SUMF1: variants seen among roughly 807,000 people sequenced by gnomAD.
The protein encoded by SUMF1 is sulfatase modifying factor 1, also known as formylglycine-generating enzyme.
A neutral mutation model predicts 47.6 loss-of-function variants in SUMF1; 48 were observed. That is an observed-to-expected ratio of 1.01 (90% CI 0.80 to 1.28). SUMF1 has a LOEUF of 1.28. Ranked by LOEUF, SUMF1 falls within the 50% of genes most tolerant of loss-of-function variation. The pLI is 0.00. For synonymous variants in SUMF1, 230 were observed against 192.1 expected, an observed-to-expected ratio of 1.20 and a Z score of -1.63; for missense variants, 571 against 485.4, an observed-to-expected ratio of 1.18 and a Z score of -1.66.
At chr3:4,415,706 G>C (rs559152764) in intron 6 of SUMF1, among the ~76,000 whole-genome samples, 13 of 152,188 alleles carry the variant, frequency 8.5e-5, no homozygotes, top group African/African-American at 3.1e-4. Context: ...CCAGCTACTC[G>C]GGAGGTTGAA....
chr3:4,408,302 T>C (rs771645343), intron 7 of SUMF1, among the ~76,000 whole-genome samples: 6 of 152,196 alleles, frequency 3.9e-5, no homozygotes, highest in African/African-American at 2.4e-5. Context: ...ATATCAAGCA[T>C]TGATGAGAAG....
intron 8 of SUMF1, 137 bp from the exon 9 acceptor site, chr3:4,362,391 T>C (rs1699796499): frequency 4.1e-6 from 3 of 736,378 alleles, no homozygotes; most frequent in African/African-American, 1.7e-5. Context: ...ACATGTATGC[T>C]TTAAAAAGGG....
At chr3:4,258,494 C>A (rs1234687557) in intron 8 of SUMF1, among the ~76,000 whole-genome samples, 1 of 147,120 alleles carries the variant, frequency 6.8e-6, no homozygotes, top group African/African-American at 2.5e-5. Context: ...TTTATGCAGC[C>A]AAAAAACACA....
chr3:4,313,049 G>A, intron 8 of SUMF1: 1 of 1,613,982 alleles, frequency 6.2e-7, no homozygotes, highest in Non-Finnish European at 8.5e-7. Context: ...TCATGCCTTA[G>A]AGATATAGGA....
intron 8 of SUMF1, among the ~76,000 whole-genome samples, chr3:4,214,726 C>A (rs564545332): frequency 9.2e-5 from 14 of 152,166 alleles, no homozygotes; most frequent in African/African-American, 2.6e-4. Flanking sequence ...TACCACTGAT[C>A]CCACAGAAAT....
intron 8 of SUMF1, among the ~76,000 whole-genome samples, chr3:4,157,086 A>G (rs990549656): frequency 1.5e-4 from 22 of 151,578 alleles, no homozygotes; most frequent in South Asian, 8.3e-4. Context: ...CCTCCTGGCT[A>G]TGAAGTTAAT....
At chr3:4,170,643 G>C (rs969333124) in intron 8 of SUMF1, among the ~76,000 whole-genome samples, 1 of 152,136 alleles carries the variant, frequency 6.6e-6, no homozygotes, top group Non-Finnish European at 1.5e-5. Context: ...ACAATAGATC[G>C]ATGAAACAGA....
chr3:4,322,669 A>G (rs892449047), intron 8 of SUMF1, among the ~76,000 whole-genome samples: 7 of 152,042 alleles, frequency 4.6e-5, no homozygotes, highest in African/African-American at 9.7e-5. Flanking sequence ...TAAAAAAAAA[A>G]AAAGAAAGAA....
chr3:4,166,101 G>A (rs1214567199), intron 8 of SUMF1, among the ~76,000 whole-genome samples: 5 of 152,038 alleles, frequency 3.3e-5, no homozygotes, highest in East Asian at 1.9e-4. Flanking sequence ...ACACATTCTC[G>A]AAGACCTGCA....
At chr3:4,303,513 C>A in intron 8 of SUMF1, 1 of 1,435,666 alleles carries the variant, frequency 7.0e-7, no homozygotes, top group Non-Finnish European at 9.1e-7. Context: ...GGGGCCGCGC[C>A]GGCGCCCTTC....
At chr3:4,300,599 G>T (rs79744195) in intron 8 of SUMF1, among the ~76,000 whole-genome samples, 3,008 of 152,192 alleles carry the variant, frequency 0.02, 112 homozygotes, top group African/African-American at 0.066. Context: ...TATGAAAAAA[G>T]GATGATGAAC....
chr3:4,352,727 C>A (rs1461019285), intron 8 of SUMF1, among the ~76,000 whole-genome samples: 1 of 107,076 alleles, frequency 9.3e-6, no homozygotes. Context: ...ATTATTGCTG[C>A]GTGTAAAAAA....
chr3:4,347,165 C>G (rs1699391317), intron 8 of SUMF1, among the ~76,000 whole-genome samples: 1 of 152,204 alleles, frequency 6.6e-6, no homozygotes, highest in Non-Finnish European at 1.5e-5. Context: ...AGAAGGAACT[C>G]TTCCCTAACT....
At chr3:4,216,130 A>T (rs957754735) in intron 8 of SUMF1, among the ~76,000 whole-genome samples, 5 of 152,318 alleles carry the variant, frequency 3.3e-5, no homozygotes, top group African/African-American at 1.2e-4. Context: ...ATGTTGCCTG[A>T]CTTCAAACTA....
chr3:4,237,962 A>G lies in SUMF1; in HGVS notation c.1014+138368T>C, dbSNP rs182815066. Among the ~76,000 whole-genome samples the G allele has an allele frequency of 1.8e-4, 27 of 151,156 alleles. No homozygotes were observed. The East Asian group carries it at 5.1e-3, about 29-fold the overall frequency. ...CAACCCCCAACAGGCCCCAGTGTGT[A>G]ATGTTCCCCTCCCTGTTTCCATGTG... On this transcript the variant is annotated intron_variant and NMD_transcript_variant, in intron 8 of 12. Transcript: ENST00000448413.
chr3:4,456,151 T>C (rs1467940418), intron 1 of SUMF1, among the ~76,000 whole-genome samples: 2 of 152,160 alleles, frequency 1.3e-5, no homozygotes, highest in Non-Finnish European at 2.9e-5. Flanking sequence ...TGCAAAGGCA[T>C]TGATAAAATT....
chr3:4,365,906 G>A (rs149819145), intron 8 of SUMF1, among the ~76,000 whole-genome samples: 1,677 of 152,240 alleles, frequency 0.011, 39 homozygotes, highest in African/African-American at 0.038. Flanking sequence ...TTTTAGGGCA[G>A]GCCTGGTAGC....
chr3:4,353,175 G>T lies in SUMF1; in HGVS notation c.1014+23155C>A, dbSNP rs376361432. ...GAACTTCAAGAGCTGGAGGCAGGAG[G>T]ATGGCTTGAGGCCGGGAGCTTAAGA... is the stretch of plus-strand genomic sequence containing the variant. On this transcript the variant is annotated intron_variant and NMD_transcript_variant, in intron 8 of 12. Coordinates refer to the SUMF1 transcript ENST00000448413. Among the ~76,000 whole-genome samples, 17 of 152,352 alleles carry T rather than the reference G, an allele frequency of 1.1e-4. No individual in the cohort carries two copies. The East Asian group carries it at 2.7e-3, about 24-fold the overall frequency.
intron 8 of SUMF1, among the ~76,000 whole-genome samples, chr3:4,372,562 C>A (rs1263828763): frequency 6.6e-6 from 1 of 152,030 alleles, no homozygotes; most frequent in Non-Finnish European, 1.5e-5. Context: ...CTGATAGGAG[C>A]AACTAACTTT....
Sources: allele counts gnomAD v4.1 joint callset (sites outside exome capture counted in the v4.1 genomes callset), GRCh38; gene constraint gnomAD v4.1.1; transcripts MANE v1.5; gene names NCBI Gene and HGNC (gene_info 2026-07-23, HGNC 2026-07-21).